Variants in YAF2 observed in about 807,000 individuals in gnomAD.
YAF2 encodes YY1-associated factor 2.
In YAF2, 7 loss-of-function variants were observed where a neutral mutation model predicts 20.1. The observed-to-expected ratio is 0.35, with a 90% CI of 0.20 to 0.65. The LOEUF (loss-of-function observed/expected upper bound fraction) is 0.65, where lower values mean the gene tolerates loss of function less well. YAF2 is among the 30% of genes least tolerant of loss of function. The probability of loss-of-function intolerance (pLI) is 0.69; values close to 1 mark genes in which losing one functional copy is unlikely to be tolerated. For synonymous variants in YAF2, 74 were observed against 76.0 expected (o/e 0.97, Z 0.14); for missense variants, 151 against 219.2 (o/e 0.69, Z 1.96).
At chr12:42,225,108 G>A (rs1321335926) in intron 2 of YAF2, among the ~76,000 whole-genome samples, 2 of 152,188 alleles carry the variant, frequency 1.3e-5, no homozygotes, top group Non-Finnish European at 2.9e-5. Flanking sequence ...GGTTTGATGT[G>A]CATTTCTCTA....
chr12:42,208,657 C>T (rs565749931), intron 2 of YAF2, among the ~76,000 whole-genome samples: 12 of 152,140 alleles, frequency 7.9e-5, no homozygotes, highest in Non-Finnish European at 1.3e-4. Context: ...AGACATCCCA[C>T]TTTTCTACTG....
chr12:42,195,859 T>C (rs2066735697), intron 2 of YAF2, among the ~76,000 whole-genome samples: 1 of 151,956 alleles, frequency 6.6e-6, no homozygotes, highest in Non-Finnish European at 1.5e-5. Context: ...AGAATTGAAA[T>C]GAATAGAAAT....
chr12:42,225,553 T>A (rs1373761688), intron 2 of YAF2, among the ~76,000 whole-genome samples: 2 of 152,200 alleles, frequency 1.3e-5, no homozygotes, highest in Admixed American at 6.5e-5. Flanking sequence ...GTCAATTTTG[T>A]GTAAAGTGTA....
chr12:42,224,281 TTATAA>T (rs539045260), intron 2 of YAF2, among the ~76,000 whole-genome samples: 22 of 152,374 alleles, frequency 1.4e-4, no homozygotes, highest in African/African-American at 3.8e-4. Flanking sequence ...AAGCATGTAT[TTATAA>T]TATATTTTAG....
In YAF2 at chr12:42,208,373, C is replaced by T. The variant is rs776191195; in HGVS notation, c.152+29226G>A. On this transcript the variant is annotated intron_variant, in intron 2 of 3. Transcript: ENST00000534854. ...CCTGGGAGGCGGAGGTTGCAGTGAACGGATATCATGCCACTGCACTCTAGC... is the reference window on the plus strand; with the variant it reads ...CCTGGGAGGCGGAGGTTGCAGTGAATGGATATCATGCCACTGCACTCTAGC... Among the ~76,000 whole-genome samples the T allele has an allele frequency of 4.6e-5, 7 of 152,106 alleles. No homozygotes were observed. In the East Asian group the frequency reaches 5.8e-4, roughly 13 times the overall value.
chr12:42,203,066 CAAA>C (rs779968033), intron 2 of YAF2, among the ~76,000 whole-genome samples: 3 of 113,478 alleles, frequency 2.6e-5, no homozygotes, highest in Admixed American at 8.8e-5. Context: ...TCATTTTCCA[CAAA>C]AAAAAAAAAA....
At chr12:42,204,652 C>A (rs1335593784) in intron 2 of YAF2, among the ~76,000 whole-genome samples, 1 of 151,930 alleles carries the variant, frequency 6.6e-6, no homozygotes, top group African/African-American at 2.4e-5. Flanking sequence ...TCAAAAAGTG[C>A]AAAACAATAC....
rs1446668113 is a variant in YAF2, at chr12:42,158,009, A to T, written c.*2580T>A. ...GTATGGAATTTGGCTAAAAGAACCC[A>T]GTGCTCAAACCACACTGTAAGTTCA... On this transcript the variant is annotated 3_prime_UTR_variant, in exon 4 of 4. Transcript: ENST00000534854. 1 of 152,208 alleles carries T rather than the reference A, an allele frequency of 6.6e-6. No individual in the cohort carries two copies. The highest frequency in any genetic ancestry group is 1.5e-5 in the Non-Finnish European group (1 of 68,034). The allele number at this position is 152,208 out of a possible 1,614,324, so 9.4% of individuals were successfully genotyped here.
chr12:42,173,966 G>T (rs1401816588), intron 2 of YAF2, among the ~76,000 whole-genome samples: 1 of 151,868 alleles, frequency 6.6e-6, no homozygotes, highest in Non-Finnish European at 1.5e-5. Context: ...CCATCTCTCT[G>T]CCCACTGGAT....
At chr12:42,201,837 T>C (rs2066906610) in intron 2 of YAF2, among the ~76,000 whole-genome samples, 1 of 152,210 alleles carries the variant, frequency 6.6e-6, no homozygotes, top group African/African-American at 2.4e-5. Context: ...CTCCCCAGAT[T>C]GATGGCATTA....
At chr12:42,219,436 G>T (rs1284678286) in intron 2 of YAF2, among the ~76,000 whole-genome samples, 2 of 152,216 alleles carry the variant, frequency 1.3e-5, no homozygotes, top group African/African-American at 4.8e-5. Context: ...TGGGAGCAGG[G>T]ATAAGAGATA....
At chr12:42,216,050 G>A (rs1394732284) in intron 2 of YAF2, among the ~76,000 whole-genome samples, 3 of 151,934 alleles carry the variant, frequency 2.0e-5, no homozygotes. Flanking sequence ...ATTTTTTGTT[G>A]TTAATTCTAT....
intron 2 of YAF2, among the ~76,000 whole-genome samples, chr12:42,189,680 CT>C (rs2066563959): frequency 1.3e-5 from 2 of 151,990 alleles, no homozygotes; most frequent in East Asian, 1.9e-4. Context: ...TAGTATATGC[CT>C]TTTTTGCAGC....
At chr12:42,184,932 T>C (rs1219491604) in intron 2 of YAF2, among the ~76,000 whole-genome samples, 1 of 152,170 alleles carries the variant, frequency 6.6e-6, no homozygotes, top group Non-Finnish European at 1.5e-5. Context: ...TCCCAACACT[T>C]TGGGAGGCCG....
chr12:42,175,967 C>G (rs554852522), intron 2 of YAF2, among the ~76,000 whole-genome samples: 70 of 152,032 alleles, frequency 4.6e-4, no homozygotes, highest in African/African-American at 1.6e-3. Flanking sequence ...CCACTTGGGG[C>G]TAGGCTTGGT....
At chr12:42,187,469 C>CT (rs912461024) in intron 2 of YAF2, among the ~76,000 whole-genome samples, 14 of 147,402 alleles carry the variant, frequency 9.5e-5, no homozygotes, top group East Asian at 2.0e-4. Flanking sequence ...AAGATGTAAT[C>CT]TTTTTTTTTT....
At position 42,175,112 on chromosome 12, in the gene YAF2, T is replaced by C. The variant is rs12312690; in HGVS notation, c.153-13347A>G. 9.9e-3 allele frequency among the ~76,000 whole-genome samples: 1,511 copies of C among 152,208 alleles called. 29 individuals are homozygous for C. The highest frequency in any genetic ancestry group is 0.035 in the African/African-American group (1,445 of 41,496). Reference sequence around the variant, plus strand: ...AACTTCATTTGTAATGGCCCAAAACTGAAAATAACCCAAATGTTAATCAAC... The same window carrying C: ...AACTTCATTTGTAATGGCCCAAAACCGAAAATAACCCAAATGTTAATCAAC... On this transcript the variant is annotated intron_variant, in intron 2 of 3. Transcript: ENST00000534854.
In YAF2 at chr12:42,233,196, CT is replaced by C. The variant is rs970045749; in HGVS notation, c.152+4402del. The C allele has an allele frequency of 4.1e-6, 4 of 985,200 alleles. No individual in the cohort carries two copies. The African/African-American group carries it at 7.0e-5, about 17-fold the overall frequency. 61.0% of individuals were successfully genotyped at this position (985,200 alleles called of 1,614,324 possible). A position where few individuals can be genotyped will look rare whatever the true frequency, so the allele number is the denominator to read the frequency against. On this transcript the variant is annotated intron_variant, in intron 2 of 3. Coordinates refer to ENST00000534854, the MANE Select transcript of YAF2 (RefSeq NM_005748.6). The stretch of plus-strand genomic sequence containing the variant: ...TAGCACTCTTTCTACTATGTGAAAT[CT>C]TTTTTATAGCTCTCTAAAATAACAC...
rs2065744116 is a variant in YAF2 at position 42,158,639 on chromosome 12, A to C, written c.*1950T>G. 1 of 152,176 alleles carries C rather than the reference A, an allele frequency of 6.6e-6. No homozygotes were observed. The highest frequency in any genetic ancestry group is 6.5e-5 in the Admixed American group (1 of 15,280). 9.4% of individuals were successfully genotyped at this position (152,176 alleles called of 1,614,324 possible). A position where few individuals can be genotyped will look rare whatever the true frequency, so the allele number is the denominator to read the frequency against. On this transcript the variant is annotated 3_prime_UTR_variant, in exon 4 of 4. Coordinates refer to ENST00000534854, the MANE Select transcript of YAF2 (RefSeq NM_005748.6). Reference sequence around the variant, plus strand: ...ACATGAGGTGTCAGTTAGCACGCTTAATCTCCATGCTACACCGTGTTCCCG... The same window carrying C: ...ACATGAGGTGTCAGTTAGCACGCTTCATCTCCATGCTACACCGTGTTCCCG...
Sources: gnomAD v4.1 joint callset for allele counts (sites outside exome capture counted in the v4.1 genomes callset) on GRCh38, gnomAD v4.1.1 for gene constraint, MANE v1.5 for transcripts, NCBI Gene and HGNC (gene_info 2026-07-23, HGNC 2026-07-21) for gene names.